Variants in PAXIP1 observed in about 807,000 individuals in gnomAD.
PAXIP1 encodes the protein PAX interacting protein 1, also known as PAX-interacting protein 1.
PAXIP1 carries 19 observed loss-of-function variants against 140.6 expected under a neutral mutation model. That is an observed-to-expected ratio of 0.14 (90% CI 0.09 to 0.20). The LOEUF is 0.20. PAXIP1 is among the 10% of genes least tolerant of loss of function. The pLI is 1.00. For synonymous variants in PAXIP1, 442 were observed against 444.6 expected (o/e 0.99, Z 0.07); for missense variants, 920 against 1,208.6 (o/e 0.76, Z 3.54).
At chr7:154,992,038 T>C (rs1010024575) in intron 3 of PAXIP1, among the ~76,000 whole-genome samples, 4 of 152,228 alleles carry the variant, frequency 2.6e-5, no homozygotes, top group Non-Finnish European at 5.9e-5. Flanking sequence ...CGAAGATCTG[T>C]TTCCATCTTC....
chr7:154,957,204 T>A lies in PAXIP1; in HGVS notation c.2549+20A>T. The A allele has an allele frequency of 1.3e-6, 2 of 1,484,206 alleles. No homozygotes were observed. Among genetic ancestry groups the A allele is most frequent in the Non-Finnish European group, 1.9e-6 (2 of 1,077,670 alleles). The allele number at this position is 1,484,206 out of a possible 1,614,324, so 91.9% of individuals were successfully genotyped here. On this transcript the variant is annotated intron_variant, in intron 14 of 20. Coordinates refer to ENST00000404141, the MANE Select transcript of PAXIP1 (RefSeq NM_007349.4). ...ACCTGTGAAAGCCAGCAATGAAAAA[T>A]TTAAGGTTATTACTCATACCTGGCT...
chr7:154,955,492 T>C (rs974127005), intron 15 of PAXIP1, 37 bp downstream of exon 15: 4 of 1,259,848 alleles, frequency 3.2e-6, no homozygotes, highest in Non-Finnish European at 4.6e-6. Context: ...AAAAGGACAC[T>C]GCTAAAAATC....
chr7:154,962,779 G>A, intron 9 of PAXIP1: 1 of 175,004 alleles, frequency 5.7e-6, no homozygotes, highest in Non-Finnish European at 1.2e-5. Flanking sequence ...AAGGACAGAG[G>A]GCCCCACATA....
chr7:154,992,761 A>G (rs536503901), intron 3 of PAXIP1, among the ~76,000 whole-genome samples: 1 of 152,308 alleles, frequency 6.6e-6, no homozygotes, highest in East Asian at 1.9e-4. Context: ...TCAACTCTTT[A>G]GGCTATGTAC....
rs1471805724 is a variant in PAXIP1, at chr7:154,973,743, A to AT, written c.1074+1952dup. On this transcript the variant is annotated intron_variant, in intron 6 of 20. Coordinates refer to ENST00000404141, the MANE Select transcript of PAXIP1 (RefSeq NM_007349.4). The surrounding 1 kb of genome is among the most constrained non-coding windows in gnomAD (Gnocchi z 4.0). Reference sequence around the variant, plus strand: ...AAATGATCATTGTCAACATCACCTTATACCTACGCCATACTGAATTTCCCC... The same window carrying AT: ...AAATGATCATTGTCAACATCACCTTATTACCTACGCCATACTGAATTTCCCC... Among the ~76,000 whole-genome samples, 1 of 152,162 alleles carries AT rather than the reference A, an allele frequency of 6.6e-6. No homozygotes were observed. The highest frequency in any genetic ancestry group is 1.5e-5 in the Non-Finnish European group (1 of 68,022).
At chr7:154,988,039 A>G (rs1810153830) in intron 4 of PAXIP1, among the ~76,000 whole-genome samples, 1 of 152,234 alleles carries the variant, frequency 6.6e-6, no homozygotes, top group Admixed American at 6.5e-5. Context: ...AATGAGAAAA[A>G]AAGGGTGATG....
In PAXIP1 at chr7:154,968,958, G is replaced by C; in HGVS notation, c.1243C>G (p.Pro415Ala). 1 of 1,527,122 alleles carries C rather than the reference G, an allele frequency of 6.5e-7. No individual in the cohort carries two copies. The highest frequency in any genetic ancestry group is 8.9e-7 in the Non-Finnish European group (1 of 1,127,840). 94.6% of individuals were successfully genotyped at this position (1,527,122 alleles called of 1,614,324 possible). The change falls in exon 7 of 21, where the codon CCG becomes GCG. Residue 415 changes from proline (P) to alanine (A), a missense_variant. By Grantham distance (27) the Pro-to-Ala change is conservative (BLOSUM62 -1). Around this residue, in one of 5 missense-constraint regions of PAXIP1, gnomAD observed 419 missense variants for 514.7 expected, o/e 0.81. Transcript: ENST00000404141. ...QQAQQQQQQHPVLHLQPQQIM... is the reference protein window; with the variant it reads ...QQAQQQQQQHAVLHLQPQQIM... Reference sequence around the variant, plus strand: ...TGCTGGGGCTGAAGGTGTAAAACCGGGTGCTGCTGCTGCTGCTGCTGGGCC... The same window carrying C: ...TGCTGGGGCTGAAGGTGTAAAACCGCGTGCTGCTGCTGCTGCTGCTGGGCC...
At chr7:154,947,839 T>C in intron 17 of PAXIP1, 64 bp downstream of exon 17, 1 of 1,148,330 alleles carries the variant, frequency 8.7e-7, no homozygotes, top group South Asian at 1.2e-5. Flanking sequence ...CACCTGGTAG[T>C]TCCCTTGAGC....
chr7:154,976,576 T>C (rs1563378686), intron 5 of PAXIP1, among the ~76,000 whole-genome samples: 3 of 152,206 alleles, frequency 2.0e-5, no homozygotes, highest in Non-Finnish European at 4.4e-5. Context: ...CTTAAAAGAC[T>C]TGGCTGAAAA....
chr7:154,954,151 C>T lies in PAXIP1; in HGVS notation c.2821+104G>A. The T allele has an allele frequency of 2.5e-6, 2 of 802,830 alleles. No homozygotes were observed. Among genetic ancestry groups the T allele is most frequent in the Non-Finnish European group, 3.7e-6 (2 of 545,506 alleles). The allele number at this position is 802,830 out of a possible 1,614,324, so 49.7% of individuals were successfully genotyped here. A position where few individuals can be genotyped will look rare whatever the true frequency, so the allele number is the denominator to read the frequency against. ...TTTAAATTTAAATGAATAACTATCA[C>T]ATAGTTTAAAAATTAAATATTTGTT... On this transcript the variant is annotated intron_variant, in intron 16 of 20. Transcript: ENST00000404141. The surrounding 1 kb of genome is among the most constrained non-coding windows in gnomAD (Gnocchi z 5.1).
chr7:155,001,785 CG>C (rs1487949342), intron 1 of PAXIP1: 1 of 152,196 alleles, frequency 6.6e-6, no homozygotes, highest in African/African-American at 2.4e-5. Context: ...GGGGTAAACC[CG>C]GCCTTGAAGT....
Position 154,986,573 on chromosome 7 carries a change from T to C in PAXIP1, c.325-3241A>G, listed in dbSNP as rs1810086586. 1.3e-5 allele frequency among the ~76,000 whole-genome samples: 2 copies of C among 152,226 alleles called. No individual in the cohort carries two copies. The highest frequency in any genetic ancestry group is 6.5e-5 in the Admixed American group (1 of 15,280). On this transcript the variant is annotated intron_variant, in intron 4 of 20. Coordinates refer to ENST00000404141, the MANE Select transcript of PAXIP1 (RefSeq NM_007349.4). The surrounding 1 kb of genome is among the most constrained non-coding windows in gnomAD (Gnocchi z 4.8). ...GTCCCTTAGCTGCACACTGTACATA[T>C]GTTGTTAATGTATCTTACAACCAAA...
At chr7:154,970,008 C>T (rs985307311) in intron 6 of PAXIP1, among the ~76,000 whole-genome samples, 5 of 152,262 alleles carry the variant, frequency 3.3e-5, no homozygotes, top group South Asian at 4.1e-4. Flanking sequence ...GTTCTGTGTA[C>T]GCTGAGGAGT....
chr7:154,994,787 C>T (rs760002233), intron 2 of PAXIP1, among the ~76,000 whole-genome samples: 2 of 152,184 alleles, frequency 1.3e-5, no homozygotes, highest in African/African-American at 4.8e-5. Flanking sequence ...AGATTGGCAG[C>T]TGTGCCTGGG....
intron 16 of PAXIP1, among the ~76,000 whole-genome samples, chr7:154,953,878 A>G (rs570852993): frequency 6.6e-6 from 1 of 152,302 alleles, no homozygotes; most frequent in Non-Finnish European, 1.5e-5. Context: ...TGATATTCAA[A>G]GTGTATTTGA....
intron 6 of PAXIP1, among the ~76,000 whole-genome samples, chr7:154,974,788 G>A (rs549282470): frequency 2.0e-5 from 3 of 152,160 alleles, no homozygotes; most frequent in Non-Finnish European, 4.4e-5. Flanking sequence ...CCAGAAAAAT[G>A]CAGAGTGGCC....
chr7:155,002,335 G>A (rs2150794265), intron 1 of PAXIP1, among the ~76,000 whole-genome samples: 1 of 152,316 alleles, frequency 6.6e-6, no homozygotes, highest in South Asian at 2.1e-4. Context: ...CAGGACGGCA[G>A]CTGCCCGGGT....
Position 154,963,883 on chromosome 7 carries a change from T to C in PAXIP1, c.1894-117A>G, listed in dbSNP as rs2150752759. 1.4e-6 allele frequency: 1 copy of C among 709,602 alleles called. No homozygotes were observed. The highest frequency in any genetic ancestry group is 2.5e-6 in the Non-Finnish European group (1 of 397,874). The allele number at this position is 709,602 out of a possible 1,614,324, so 44.0% of individuals were successfully genotyped here. A position where few individuals can be genotyped will look rare whatever the true frequency, so the allele number is the denominator to read the frequency against. ...TCATATATTTATATCATGTATTTCC[T>C]CAAAGTATCAAGGACATGTAACAGT... On this transcript the variant is annotated intron_variant, in intron 8 of 20. Transcript: ENST00000404141. The surrounding 1 kb of genome is among the most constrained non-coding windows in gnomAD (Gnocchi z 4.1).
rs1246213808 is a variant in PAXIP1 at position 154,986,594 on chromosome 7, C to G, written c.325-3262G>C. Among the ~76,000 whole-genome samples, 1 of 152,172 alleles carries G rather than the reference C, an allele frequency of 6.6e-6. No homozygotes were observed. The highest frequency in any genetic ancestry group is 2.4e-5 in the African/African-American group (1 of 41,432). On this transcript the variant is annotated intron_variant, in intron 4 of 20. Coordinates refer to ENST00000404141, the MANE Select transcript of PAXIP1 (RefSeq NM_007349.4). This position sits in a 1 kb window ranked among gnomAD's most constrained non-coding sequence, Gnocchi z 4.8. The stretch of plus-strand genomic sequence containing the variant: ...CATATGTTGTTAATGTATCTTACAA[C>G]CAAAATAACATTTTTTAGCAACCAC...
Sources: gnomAD v4.1 joint callset for allele counts (sites outside exome capture counted in the v4.1 genomes callset) on GRCh38, gnomAD v4.1.1 for gene constraint, gnomAD v4.1.1 regional missense constraint, Gnocchi (gnomAD v3.1) non-coding constraint, MANE v1.5 for transcripts, NCBI Gene and HGNC (gene_info 2026-07-23, HGNC 2026-07-21) for gene names.